Variants in FBXO42 observed in about 807,000 individuals in gnomAD.
FBXO42 encodes F-box protein 42.
A neutral mutation model predicts 71.7 loss-of-function variants in FBXO42; 12 were observed. The observed-to-expected ratio is 0.17, with a 90% CI of 0.11 to 0.27. FBXO42 has a LOEUF of 0.27. FBXO42 is among the 10% of genes least tolerant of loss of function. The pLI is 1.00. For synonymous variants in FBXO42, 325 were observed against 327.5 expected (o/e 0.99, Z 0.08); for missense variants, 707 against 911.9 (o/e 0.78, Z 2.89).
chr1:16,257,781 A>G (rs1037260271), intron 4 of FBXO42, among the ~76,000 whole-genome samples: 4 of 152,026 alleles, frequency 2.6e-5, no homozygotes, highest in Non-Finnish European at 5.9e-5. Flanking sequence ...CCTGGGTTCA[A>G]GTGATTTTCC....
At chr1:16,266,212 C>T (rs1345906603) in intron 4 of FBXO42, among the ~76,000 whole-genome samples, 1 of 149,952 alleles carries the variant, frequency 6.7e-6, no homozygotes, top group Non-Finnish European at 1.5e-5. Context: ...ACATCTCTTT[C>T]ATACATATAT....
intron 2 of FBXO42, among the ~76,000 whole-genome samples, chr1:16,312,734 T>C (rs2082325117): frequency 6.6e-6 from 1 of 152,066 alleles, no homozygotes; most frequent in African/African-American, 2.4e-5. Context: ...TGGGGGATGT[T>C]GATAATGGGA....
intron 4 of FBXO42, among the ~76,000 whole-genome samples, chr1:16,282,323 T>TC (rs2081973056): frequency 1.3e-5 from 2 of 151,240 alleles, no homozygotes; most frequent in African/African-American, 4.9e-5. Flanking sequence ...CCTCCTGAGT[T>TC]CAAGTAATTC....
At chr1:16,270,802 C>T (rs1211337258) in intron 4 of FBXO42, among the ~76,000 whole-genome samples, 1 of 132,818 alleles carries the variant, frequency 7.5e-6, no homozygotes, top group Non-Finnish European at 1.6e-5. Flanking sequence ...ATATAAAATT[C>T]CATTCTTTGA....
chr1:16,338,095 TA>T (rs974808953), intron 1 of FBXO42, among the ~76,000 whole-genome samples: 2 of 149,576 alleles, frequency 1.3e-5, no homozygotes, highest in African/African-American at 4.9e-5. Context: ...CCGTCTCCAC[TA>T]AAAATACAAA....
chr1:16,337,883 CAAAAAAAAAAAAAA>C (rs60328879), intron 1 of FBXO42, among the ~76,000 whole-genome samples: 294 of 38,856 alleles, frequency 7.6e-3, no homozygotes, highest in Non-Finnish European at 9.7e-3. Context: ...GACTCCGTCT[CAAAAAAAAAAAAAA>C]AAAAAAAAAA....
In FBXO42 at chr1:16,270,374, G is replaced by C. The variant is rs544703571; in HGVS notation, c.503-13615C>G. Among the ~76,000 whole-genome samples the C allele has an allele frequency of 4.1e-4, 63 of 152,310 alleles. 1 individual carries two copies. Among genetic ancestry groups the C allele is most frequent in the Admixed American group, 7.9e-4 (12 of 15,286 alleles). On this transcript the variant is annotated intron_variant, in intron 4 of 9. Transcript: ENST00000375592. ...ACTTCCAGTGTCTCTGCTAGATGGA[G>C]TTAGGCAGCAGTAAATGGAGAAAAC...
chr1:16,287,365 T>C (rs1557585466), intron 4 of FBXO42, among the ~76,000 whole-genome samples: 1 of 152,222 alleles, frequency 6.6e-6, no homozygotes, highest in Non-Finnish European at 1.5e-5. Flanking sequence ...AGTTTCTCAA[T>C]AGCACTTTCC....
intron 1 of FBXO42, among the ~76,000 whole-genome samples, chr1:16,322,303 C>T (rs755132236): frequency 2.6e-5 from 4 of 152,094 alleles, no homozygotes; most frequent in Admixed American, 6.6e-5. Context: ...CTAGGCCAGG[C>T]GTGATGGCTC....
At chr1:16,340,587 G>A (rs2082594871) in intron 1 of FBXO42, among the ~76,000 whole-genome samples, 1 of 152,092 alleles carries the variant, frequency 6.6e-6, no homozygotes, top group Non-Finnish European at 1.5e-5. Flanking sequence ...CCAAAGTGCT[G>A]GGATTACAGG....
chr1:16,258,617 G>T (rs138479817), intron 4 of FBXO42, among the ~76,000 whole-genome samples: 1 of 152,176 alleles, frequency 6.6e-6, no homozygotes, highest in East Asian at 1.9e-4. Context: ...TTGGCCTTTC[G>T]AAGTGTTAGG....
intron 2 of FBXO42, among the ~76,000 whole-genome samples, chr1:16,306,320 A>T (rs12129683): frequency 1.5e-3 from 225 of 152,146 alleles, no homozygotes; most frequent in Non-Finnish European, 2.9e-3. Context: ...CCCAGCCTAT[A>T]AGACAAGTTT....
intron 3 of FBXO42, among the ~76,000 whole-genome samples, chr1:16,299,800 A>G (rs2082172694): frequency 6.6e-6 from 1 of 151,986 alleles, no homozygotes; most frequent in Non-Finnish European, 1.5e-5. Context: ...ACGCGCTACC[A>G]TGCCCAGCTA....
intron 2 of FBXO42, among the ~76,000 whole-genome samples, chr1:16,308,494 C>CTTTTTT (rs71003268): frequency 7.9e-6 from 1 of 126,726 alleles, no homozygotes; most frequent in Non-Finnish European, 1.6e-5. Context: ...ACCCATCTCT[C>CTTTTTT]TTTTTTTTTT....
chr1:16,285,073 T>C (rs1459232356), intron 4 of FBXO42, among the ~76,000 whole-genome samples: 2 of 151,542 alleles, frequency 1.3e-5, no homozygotes, highest in African/African-American at 2.4e-5. Context: ...TTGAACCTAG[T>C]TGGCGGAGGC....
chr1:16,268,289 G>A (rs2081800850), intron 4 of FBXO42, among the ~76,000 whole-genome samples: 1 of 152,152 alleles, frequency 6.6e-6, no homozygotes, highest in Non-Finnish European at 1.5e-5. Context: ...CTCTCCCTGG[G>A]AGGACTAAAA....
At position 16,252,443 on chromosome 1, in the gene FBXO42, T is replaced by C; in HGVS notation, c.922-39A>G. On this transcript the variant is annotated intron_variant, in intron 8 of 9. Transcript: ENST00000375592. The surrounding 1 kb of genome is among the most constrained non-coding windows in gnomAD (Gnocchi z 4.4). Reference sequence around the variant, plus strand: ...AACCAATAACAAGACTCAGGTGTGATATGCGTTCCAAAACACACACACACA... The same window carrying C: ...AACCAATAACAAGACTCAGGTGTGACATGCGTTCCAAAACACACACACACA... The C allele has an allele frequency of 6.6e-7, 1 of 1,505,728 alleles. No individual in the cohort carries two copies. Among genetic ancestry groups the C allele is most frequent in the Non-Finnish European group, 9.2e-7 (1 of 1,083,540 alleles). The allele number at this position is 1,505,728 out of a possible 1,614,324, so 93.3% of individuals were successfully genotyped here. A position where few individuals can be genotyped will look rare whatever the true frequency, so the allele number is the denominator to read the frequency against.
chr1:16,270,689 A>C (rs1417081630), intron 4 of FBXO42, among the ~76,000 whole-genome samples: 1 of 31,282 alleles, frequency 3.2e-5, no homozygotes, highest in Non-Finnish European at 5.7e-5. Flanking sequence ...AAAAAAAAAA[A>C]AAAAAAAGAA....
chr1:16,322,196 C>A (rs538828888), intron 1 of FBXO42, among the ~76,000 whole-genome samples: 1 of 152,152 alleles, frequency 6.6e-6, no homozygotes, highest in African/African-American at 2.4e-5. Context: ...GAATTTTGTA[C>A]CTTTTAAGGT....
Sources: allele counts gnomAD v4.1 joint callset (sites outside exome capture counted in the v4.1 genomes callset), GRCh38; gene constraint gnomAD v4.1.1; non-coding constraint Gnocchi (gnomAD v3.1); transcripts MANE v1.5; gene names NCBI Gene and HGNC (gene_info 2026-07-23, HGNC 2026-07-21).